The following NRIP2 variants were observed in gnomAD, a reference collection of about 807,000 sequenced individuals.
The protein encoded by NRIP2 is nuclear receptor-interacting protein 2.
Under a neutral mutation model 34.1 loss-of-function variants are expected in NRIP2, and 27 were observed. The observed-to-expected ratio is 0.79, with a 90% CI of 0.58 to 1.09. The LOEUF (loss-of-function observed/expected upper bound fraction) is 1.09. Among genes scored for constraint, NRIP2 ranks in the 50% least tolerant of loss-of-function variants. The pLI is 0.00. For missense variants in NRIP2, 385 were observed against 352.6 expected (o/e 1.09, Z -0.74); for synonymous variants, 145 against 146.9 (o/e 0.99, Z 0.09).
chr12:2,828,085 C>T (rs751093249), intron 3 of NRIP2, 38 bp from the exon 4 acceptor site: 11 of 1,563,550 alleles, frequency 7.0e-6, no homozygotes, highest in Non-Finnish European at 9.6e-6. Flanking sequence ...TACCACAGCC[C>T]CTAGAGGGTT....
Position 2,828,332 on chromosome 12 carries a change from C to A in NRIP2, c.578G>T (p.Gly193Val), listed in dbSNP as rs764876148. Residue 193 changes from glycine (G) to valine (V), a missense_variant and splice_region_variant, in exon 3 of 6, where the codon GGG becomes GTG. Physicochemically the swap from Gly to Val is moderately radical, Grantham distance 109. Coordinates refer to ENST00000337508, the MANE Select transcript of NRIP2 (RefSeq NM_031474.3). ...TTGCTTGTTTGGGCCACATTCTTAC[C>A]CCAGGCGGCTGAGACATCCAGCAGA... The part of the protein sequence containing the change: ...RISAGCLSRL[G>V]LEKRVLKASA... 6.2e-7 allele frequency: 1 copy of A among 1,613,930 alleles called. No individual in the cohort carries two copies. Among genetic ancestry groups the A allele is most frequent in the South Asian group, 1.1e-5 (1 of 91,066 alleles).
chr12:2,828,188 A>G (rs2097979325), intron 3 of NRIP2, 141 bp from the exon 4 acceptor site: 2 of 1,137,312 alleles, frequency 1.8e-6, no homozygotes, highest in Admixed American at 4.3e-5. Context: ...CTTCTCTGCC[A>G]GAGTCTTCTA....
intron 1 of NRIP2, among the ~76,000 whole-genome samples, chr12:2,833,028 A>C (rs2098011324): frequency 6.6e-6 from 1 of 151,782 alleles, no homozygotes; most frequent in Non-Finnish European, 1.5e-5. Context: ...GCTGTTGTGC[A>C]GTTTGCTCCT....
chr12:2,829,423 A>G (rs1454356789), intron 2 of NRIP2, among the ~76,000 whole-genome samples: 1 of 152,220 alleles, frequency 6.6e-6, no homozygotes, highest in Non-Finnish European at 1.5e-5. Flanking sequence ...TCAGGAGTCT[A>G]AAGGAAGTAT....
intron 1 of NRIP2, among the ~76,000 whole-genome samples, chr12:2,831,890 C>T (rs2098005080): frequency 6.6e-6 from 1 of 152,132 alleles, no homozygotes; most frequent in Admixed American, 6.6e-5. Flanking sequence ...TGCCACAGTA[C>T]CTGGCCTCCA....
chr12:2,830,950 TCCCCCCAC>T (rs1565430908), intron 1 of NRIP2, 90 bp from the exon 2 acceptor site: 14 of 1,383,952 alleles, frequency 1.0e-5, no homozygotes, highest in Non-Finnish European at 1.3e-5. Flanking sequence ...CCCAGGATGC[TCCCCCCAC>T]CCCCCCAGCC....
rs940070249 is a variant in NRIP2, at chr12:2,834,576, GC to G, written c.342+65del. The G allele has an allele frequency of 3.1e-5, 47 of 1,518,070 alleles. No homozygotes were observed. The African/African-American group carries it at 4.9e-4, about 16-fold the overall frequency. The allele number at this position is 1,518,070 out of a possible 1,614,324, so 94.0% of individuals were successfully genotyped here. On this transcript the variant is annotated intron_variant, in intron 1 of 5. Transcript: ENST00000337508. ...TCTGCACTTTCTGGTCCTGCCTCCT[GC>G]TCAGGATCTGGGAAGTGGAAGGAAA...
chr12:2,828,148 C>G lies in NRIP2; in HGVS notation c.579-101G>C, dbSNP rs982766598. ...CTCTACTATGGTTTCATCTCCAACC[C>G]CTGACCTCACGTGGGGTCTAAATCC... On this transcript the variant is annotated intron_variant, in intron 3 of 5. Coordinates refer to ENST00000337508, the MANE Select transcript of NRIP2 (RefSeq NM_031474.3). 200 of 1,256,108 alleles carry G rather than the reference C, an allele frequency of 1.6e-4. No homozygotes were observed. The Admixed American group carries it at 4.0e-3, about 25-fold the overall frequency. The allele number at this position is 1,256,108 out of a possible 1,614,324, so 77.8% of individuals were successfully genotyped here.
At position 2,827,174 on chromosome 12, in the gene NRIP2, G is replaced by A. The variant is rs144356765; in HGVS notation, c.*33C>T. ...CACACGCCTCTTCTTCTAAGGCAAG[G>A]TCTTTCCCTCTGGGGACTGACTGAG... On this transcript the variant is annotated 3_prime_UTR_variant, in exon 6 of 6. Transcript: ENST00000337508. This position sits in a 1 kb window ranked among gnomAD's most constrained non-coding sequence, Gnocchi z 4.0. 8.7e-6 allele frequency: 14 copies of A among 1,613,808 alleles called. No individual in the cohort carries two copies. Among genetic ancestry groups the A allele is most frequent in the Non-Finnish European group, 1.1e-5 (13 of 1,179,912 alleles).
rs1300471515 is a variant in NRIP2 at position 2,827,998 on chromosome 12, G to A, written c.628C>T (p.Pro210Ser). 4 of 1,614,164 alleles carry A rather than the reference G, an allele frequency of 2.5e-6. No individual in the cohort carries two copies. Among genetic ancestry groups the A allele is most frequent in the East Asian group, 2.2e-5 (1 of 44,874 alleles). ...KASAGDLAPG[P>S]PTQVEQLELQ... ...TCCAACTGCTCCACCTGGGTTGGGGGCCCAGGGGCCAGGTCCCCAGCTGAG... is the reference window on the plus strand; with the variant it reads ...TCCAACTGCTCCACCTGGGTTGGGGACCCAGGGGCCAGGTCCCCAGCTGAG... Residue 210 changes from proline to serine, a missense_variant, in exon 4 of 6, where the codon CCC (proline) becomes TCC (serine). Transcript: ENST00000337508. This position sits in a 1 kb window ranked among gnomAD's most constrained non-coding sequence, Gnocchi z 4.0.
rs546409290 is a variant in NRIP2, at chr12:2,829,988, A to G, written c.495+720T>C. On this transcript the variant is annotated intron_variant, in intron 2 of 5. Coordinates refer to ENST00000337508, the MANE Select transcript of NRIP2 (RefSeq NM_031474.3). ...GCTACTTAGGAGGCTGAGGCAGGAG[A>G]ATCGCTTGAACCCAGGAGGCAGAGG... Among the ~76,000 whole-genome samples, 44 of 149,290 alleles carry G rather than the reference A, an allele frequency of 2.9e-4. No homozygotes were observed. The South Asian group carries it at 8.3e-3, about 28-fold the overall frequency.
intron 1 of NRIP2, 109 bp downstream of exon 1, chr12:2,834,533 G>A (rs764583626): frequency 1.4e-6 from 2 of 1,438,290 alleles, no homozygotes; most frequent in Non-Finnish European, 1.8e-6. Flanking sequence ...CAAGGGAGCG[G>A]GACCTGAAAG....
Position 2,827,213 on chromosome 12 carries a change from G to C in NRIP2, c.840C>G (p.Gly280=). ...GGACTGACTGAGACAGCAGTCACTGGCCAGGCTCTTGGTACAAAGGCAGGA... is the reference window on the plus strand; with the variant it reads ...GGACTGACTGAGACAGCAGTCACTGCCCAGGCTCTTGGTACAAAGGCAGGA... The part of the protein sequence containing the change: ...LPFLPLYQEP[G]Q Residue 280 remains glycine, a synonymous_variant, in exon 6 of 6, where the codon GGC becomes GGG. Transcript: ENST00000337508. This position sits in a 1 kb window ranked among gnomAD's most constrained non-coding sequence, Gnocchi z 4.0. The C allele has an allele frequency of 6.2e-7, 1 of 1,614,116 alleles. No homozygotes were observed. The highest frequency in any genetic ancestry group is 1.7e-5 in the Admixed American group (1 of 60,024).
At chr12:2,830,619 C>A in intron 2 of NRIP2, 89 bp downstream of exon 2, 2 of 1,389,940 alleles carry the variant, frequency 1.4e-6, no homozygotes, top group Non-Finnish European at 1.9e-6. Flanking sequence ...CTCCCTCCCT[C>A]TCCCATCAGG....
Position 2,830,830 on chromosome 12 carries a change from C to G in NRIP2, c.373G>C (p.Val125Leu), listed in dbSNP as rs2097998035. 6.2e-7 allele frequency: 1 copy of G among 1,613,708 alleles called. No individual in the cohort carries two copies. Among genetic ancestry groups the G allele is most frequent in the Non-Finnish European group, 8.5e-7 (1 of 1,179,830 alleles). ...QPRSVIQRRL[V>L]EGNPNWLQGE... ...TGAAGCCAATTCGGGTTTCCCTCCA[C>G]CAGGCGTCTTTGGATCACACTGCGC... Residue 125 changes from valine (V) to leucine (L), a missense_variant, in exon 2 of 6, where the codon GTG (valine) becomes CTG (leucine). Transcript: ENST00000337508.
intron 1 of NRIP2, among the ~76,000 whole-genome samples, chr12:2,832,450 C>T (rs1166908693): frequency 3.3e-5 from 5 of 152,014 alleles, no homozygotes; most frequent in African/African-American, 4.8e-5. Flanking sequence ...TCCTCTTCCT[C>T]ACTCTTCTCG....
chr12:2,832,622 C>A (rs2098009379), intron 1 of NRIP2, among the ~76,000 whole-genome samples: 1 of 151,716 alleles, frequency 6.6e-6, no homozygotes, highest in Non-Finnish European at 1.5e-5. Flanking sequence ...AGCTGGGGTC[C>A]CTTGTCTTAG....
Position 2,826,269 on chromosome 12 carries a change from C to A in NRIP2, c.*938G>T, listed in dbSNP as rs1306946355. ...AGCCTGGCAGGGGGTTAGAAAGCCA[C>A]TGATTCCAGGACAATACAAGCTTAA... On this transcript the variant is annotated 3_prime_UTR_variant, in exon 6 of 6. Transcript: ENST00000337508. 6.6e-6 allele frequency: 1 copy of A among 151,606 alleles called. No homozygotes were observed. Among genetic ancestry groups the A allele is most frequent in the African/African-American group, 2.4e-5 (1 of 41,204 alleles). The allele number at this position is 151,606 out of a possible 1,614,324, so 9.4% of individuals were successfully genotyped here.
chr12:2,834,836 C>T lies in NRIP2; in HGVS notation c.148G>A (p.Ala50Thr). ...SSPWPTPPAG[A>T]MSTKQEARRD... is the part of the protein sequence containing the mutation. ...CTGGCCTCCTGCTTGGTGCTCATGG[C>T]CCCTGCTGGAGGAGTGGGCCAGGGG... is the stretch of plus-strand genomic sequence containing the variant. Residue 50 changes from alanine to threonine, a missense_variant, in exon 1 of 6, where the codon GCC (alanine) becomes ACC (threonine). Transcript: ENST00000337508. 1 of 1,613,718 alleles carries T rather than the reference C, an allele frequency of 6.2e-7. No homozygotes were observed. Among genetic ancestry groups the T allele is most frequent in the Non-Finnish European group, 8.5e-7 (1 of 1,179,954 alleles).
Sources: gnomAD v4.1 joint callset for allele counts (sites outside exome capture counted in the v4.1 genomes callset) on GRCh38, gnomAD v4.1.1 for gene constraint, Gnocchi (gnomAD v3.1) non-coding constraint, MANE v1.5 for transcripts, NCBI Gene and HGNC (gene_info 2026-07-23, HGNC 2026-07-21) for gene names.